JARID2: variants seen among roughly 807,000 people sequenced by gnomAD.
The protein encoded by JARID2 is jumonji and AT-rich interaction domain containing 2.
Under a neutral mutation model 125.6 loss-of-function variants are expected in JARID2, and 21 were observed. The observed-to-expected ratio is 0.17, with a 90% CI of 0.12 to 0.24. JARID2 has a LOEUF of 0.24. Ranked by LOEUF, JARID2 falls within the 10% of genes least tolerant of loss-of-function variation. The probability of loss-of-function intolerance (pLI) is 1.00; values close to 1 mark genes in which losing one functional copy is unlikely to be tolerated. For missense variants in JARID2, 1,303 were observed against 1,639.6 expected (o/e 0.79, Z 3.55); for synonymous variants, 736 against 661.6 (o/e 1.11, Z -1.73).
At chr6:15,463,259 G>T (rs1375016515) in intron 4 of JARID2, among the ~76,000 whole-genome samples, 1 of 152,048 alleles carries the variant, frequency 6.6e-6, no homozygotes, top group East Asian at 1.9e-4. Context: ...GCTTTTGTTG[G>T]TTACTTTTCT....
intron 1 of JARID2, among the ~76,000 whole-genome samples, chr6:15,284,611 C>G (rs1429610231): frequency 6.6e-6 from 1 of 151,570 alleles, no homozygotes; most frequent in Admixed American, 6.6e-5. Flanking sequence ...CTCAGCCTCC[C>G]AAGTAGCTGG....
chr6:15,463,651 C>T (rs1434327519), intron 4 of JARID2, among the ~76,000 whole-genome samples: 2 of 152,066 alleles, frequency 1.3e-5, no homozygotes, highest in Non-Finnish European at 1.5e-5. Flanking sequence ...TGGCTAGTCT[C>T]GAACTCCTGA....
intron 1 of JARID2, among the ~76,000 whole-genome samples, chr6:15,327,277 C>T (rs2127449902): frequency 6.6e-6 from 1 of 151,896 alleles, no homozygotes; most frequent in East Asian, 1.9e-4. Context: ...ACGGTCTTGC[C>T]CTGTCACCCA....
chr6:15,285,106 G>GTTGTT (rs1760943446), intron 1 of JARID2, among the ~76,000 whole-genome samples: 1 of 119,460 alleles, frequency 8.4e-6, no homozygotes, highest in Non-Finnish European at 1.7e-5. Context: ...GTCTTTCTGG[G>GTTGTT]TTTTTTTTTT....
chr6:15,289,562 A>C (rs1426084064), intron 1 of JARID2, among the ~76,000 whole-genome samples: 1 of 152,082 alleles, frequency 6.6e-6, no homozygotes, highest in Non-Finnish European at 1.5e-5. Context: ...AAAAAAAAAA[A>C]ACCATGTTTT....
chr6:15,516,361 G>A (rs905672219), intron 16 of JARID2, among the ~76,000 whole-genome samples: 1 of 152,242 alleles, frequency 6.6e-6, no homozygotes, highest in Non-Finnish European at 1.5e-5. Context: ...TGAAGTATGG[G>A]AGCCCTCCGG....
At chr6:15,275,619 A>G (rs749672329) in intron 1 of JARID2, among the ~76,000 whole-genome samples, 14 of 147,006 alleles carry the variant, frequency 9.5e-5, no homozygotes, top group Admixed American at 3.6e-4. Context: ...GTAGAAAGGC[A>G]TAATGTAAGT....
At chr6:15,465,805 TGTTTGTTTG>T (rs1364738763) in intron 4 of JARID2, among the ~76,000 whole-genome samples, 6 of 150,462 alleles carry the variant, frequency 4.0e-5, no homozygotes, top group Non-Finnish European at 5.9e-5. Context: ...TTTGTTTGTT[TGTTTGTTTG>T]TTTTTTTGAG....
rs113785039 is a variant in JARID2, at chr6:15,344,166, G to A, written c.46-29951G>A. ...AAGGGTGGCTGTGAAACTTACTTTC[G>A]TGGTAGTGGTGGACCCTTGAAGCGT... On this transcript the variant is annotated intron_variant, in intron 1 of 17. Transcript: ENST00000341776. Among the ~76,000 whole-genome samples the A allele has an allele frequency of 6.7e-3, 861 of 129,340 alleles. 8 individuals carry two copies. The highest frequency in any genetic ancestry group is 0.024 in the African/African-American group (803 of 34,096). The allele number at this position is 129,340 out of a possible 152,430, so 84.9% of individuals were successfully genotyped here. A position where few individuals can be genotyped will look rare whatever the true frequency, so the allele number is the denominator to read the frequency against.
At chr6:15,396,985 G>A (rs915791691) in intron 2 of JARID2, among the ~76,000 whole-genome samples, 18 of 152,042 alleles carry the variant, frequency 1.2e-4, no homozygotes, top group African/African-American at 4.1e-4. Context: ...GTTAGCTATC[G>A]GGCCAGCCAC....
At chr6:15,494,503 G>T (rs1483795207) in intron 6 of JARID2, among the ~76,000 whole-genome samples, 2 of 138,024 alleles carry the variant, frequency 1.4e-5, no homozygotes, top group African/African-American at 5.4e-5. Context: ...CCACCTCCTG[G>T]GTTCACGCCG....
At chr6:15,378,265 C>T (rs1332921055) in intron 2 of JARID2, among the ~76,000 whole-genome samples, 1 of 150,442 alleles carries the variant, frequency 6.6e-6, no homozygotes, top group Non-Finnish European at 1.5e-5. Context: ...AATGTTTCCA[C>T]TGGTTCATTA....
At chr6:15,439,497 T>C (rs1484794051) in intron 3 of JARID2, among the ~76,000 whole-genome samples, 1 of 152,186 alleles carries the variant, frequency 6.6e-6, no homozygotes, top group African/African-American at 2.4e-5. Flanking sequence ...CAGCCTTCTT[T>C]GGAGGGTTTA....
intron 4 of JARID2, among the ~76,000 whole-genome samples, chr6:15,467,018 C>T (rs184891657): frequency 2.6e-5 from 4 of 152,294 alleles, no homozygotes; most frequent in African/African-American, 9.6e-5. Flanking sequence ...CCGACTGTAT[C>T]CCTTTGCAGT....
chr6:15,315,542 C>A (rs976727845), intron 1 of JARID2, among the ~76,000 whole-genome samples: 9 of 152,136 alleles, frequency 5.9e-5, no homozygotes, highest in African/African-American at 1.9e-4. Context: ...AGAAAACTTA[C>A]ATATTTAGAA....
At chr6:15,262,291 C>T (rs940227949) in intron 1 of JARID2, among the ~76,000 whole-genome samples, 13 of 151,904 alleles carry the variant, frequency 8.6e-5, no homozygotes, top group Admixed American at 7.2e-4. Context: ...CTTACACCTA[C>T]GAATCATTTT....
intron 17 of JARID2, among the ~76,000 whole-genome samples, chr6:15,519,305 G>A (rs970439125): frequency 3.3e-5 from 5 of 152,124 alleles, no homozygotes; most frequent in Non-Finnish European, 5.9e-5. Context: ...TTACAGATAC[G>A]TGTGGACCGC....
chr6:15,504,207 C>T lies in JARID2; in HGVS notation c.2449-293C>T, dbSNP rs914465499. 3.3e-5 allele frequency among the ~76,000 whole-genome samples: 5 copies of T among 151,366 alleles called. No homozygotes were observed. In the East Asian group the frequency reaches 9.7e-4, roughly 29 times the overall value. ...TTCAGCAGAGCCTTGGAGGGGCCTT[C>T]CGCGCTTCTGCTGTGCGTCCGCTCA... On this transcript the variant is annotated intron_variant, in intron 8 of 17. Transcript: ENST00000341776.
intron 1 of JARID2, among the ~76,000 whole-genome samples, chr6:15,334,218 G>A (rs1023578621): frequency 6.6e-6 from 1 of 152,112 alleles, no homozygotes; most frequent in African/African-American, 2.4e-5. Flanking sequence ...TACATTAACA[G>A]ATCATGTCTC....
Sources: allele counts gnomAD v4.1 joint callset (sites outside exome capture counted in the v4.1 genomes callset), GRCh38; gene constraint gnomAD v4.1.1; transcripts MANE v1.5; gene names NCBI Gene and HGNC (gene_info 2026-07-23, HGNC 2026-07-21).